The following CTNNA2 variants were observed in gnomAD, a reference collection of about 807,000 sequenced individuals.
CTNNA2 encodes the protein catenin alpha-2.
In CTNNA2, 42 loss-of-function variants were observed where a neutral mutation model predicts 101.0. That is an observed-to-expected ratio of 0.42 (90% CI 0.32 to 0.54). CTNNA2 has a LOEUF of 0.54. Ranked by LOEUF, CTNNA2 falls within the 20% of genes least tolerant of loss-of-function variation. The probability of loss-of-function intolerance (pLI) is 0.14; values close to 1 mark genes in which losing one functional copy is unlikely to be tolerated. For synonymous variants in CTNNA2, 450 were observed against 456.4 expected, an observed-to-expected ratio of 0.99 and a Z score of 0.18; for missense variants, 871 against 1,223.1, an observed-to-expected ratio of 0.71 and a Z score of 4.29.
intron 1 of CTNNA2, among the ~76,000 whole-genome samples, chr2:79,610,534 A>G (rs1255600589): frequency 6.6e-6 from 1 of 152,194 alleles, no homozygotes; most frequent in African/African-American, 2.4e-5. Flanking sequence ...AAAAGAATGA[A>G]TTACTGATAC....
At chr2:79,831,456 CT>C (rs759582225) in intron 3 of CTNNA2, among the ~76,000 whole-genome samples, 70 of 151,066 alleles carry the variant, frequency 4.6e-4, no homozygotes, top group Middle Eastern at 6.9e-3. Flanking sequence ...TTTTCAAATA[CT>C]TTTTTTTTAA....
chr2:80,482,667 G>C (rs1192416034), intron 9 of CTNNA2, among the ~76,000 whole-genome samples: 1 of 152,124 alleles, frequency 6.6e-6, no homozygotes, highest in South Asian at 2.1e-4. Context: ...AAGCTAGAAG[G>C]TGTATTATTT....
chr2:80,060,621 C>T (rs1443465475), intron 7 of CTNNA2, among the ~76,000 whole-genome samples: 1 of 152,126 alleles, frequency 6.6e-6, no homozygotes, highest in Non-Finnish European at 1.5e-5. Flanking sequence ...TGTTTTCTCT[C>T]TTTTTCTCTT....
chr2:80,313,505 A>G (rs1057397241), intron 7 of CTNNA2: 1 of 1,582,728 alleles, frequency 6.3e-7, no homozygotes, highest in Non-Finnish European at 8.6e-7. Flanking sequence ...GTGGTTGAAG[A>G]GATTTTTCTA....
chr2:80,561,691 T>C (rs1034123188), intron 12 of CTNNA2, among the ~76,000 whole-genome samples: 3 of 152,044 alleles, frequency 2.0e-5, no homozygotes, highest in Non-Finnish European at 4.4e-5. Context: ...AGATGAAGTT[T>C]TGTTCTTGTT....
chr2:80,269,402 G>C (rs1445978712), intron 7 of CTNNA2, among the ~76,000 whole-genome samples: 1 of 152,100 alleles, frequency 6.6e-6, no homozygotes, highest in Non-Finnish European at 1.5e-5. Context: ...GTTTCTTGAG[G>C]CCTCCCCAGC....
chr2:79,828,295 T>TA (rs1678598801), intron 3 of CTNNA2, among the ~76,000 whole-genome samples: 1 of 152,236 alleles, frequency 6.6e-6, no homozygotes, highest in South Asian at 2.1e-4. Context: ...CCAATAAACC[T>TA]AAAATGCATC....
intron 2 of CTNNA2, among the ~76,000 whole-genome samples, chr2:79,205,953 T>A (rs1241644081): frequency 6.6e-6 from 1 of 152,204 alleles, no homozygotes; most frequent in African/African-American, 2.4e-5. Flanking sequence ...TCTTGCTTTT[T>A]TCCCATTAGA....
intron 7 of CTNNA2, among the ~76,000 whole-genome samples, chr2:80,002,568 G>T (rs1693023511): frequency 6.6e-6 from 1 of 152,100 alleles, no homozygotes; most frequent in Admixed American, 6.6e-5. Flanking sequence ...AAAAAGGAGA[G>T]GGAGGGGGCA....
At chr2:79,727,005 GACT>G (rs1306180775) in intron 2 of CTNNA2, among the ~76,000 whole-genome samples, 1 of 152,208 alleles carries the variant, frequency 6.6e-6, no homozygotes, top group African/African-American at 2.4e-5. Context: ...AACCGGAAGT[GACT>G]ACATGTTGCT....
chr2:80,577,193 A>C (rs1406682809), intron 13 of CTNNA2, among the ~76,000 whole-genome samples: 1 of 152,284 alleles, frequency 6.6e-6, no homozygotes. Context: ...AAAAGTCTCT[A>C]CCCTCACAGG....
intron 1 of CTNNA2, among the ~76,000 whole-genome samples, chr2:79,612,458 T>G (rs1253020543): frequency 1.3e-5 from 2 of 152,152 alleles, no homozygotes; most frequent in Non-Finnish European, 2.9e-5. Flanking sequence ...AGCACCTGCT[T>G]TATAGAATCC....
rs3979579 is a variant in CTNNA2 at position 79,241,884 on chromosome 2, A to ATTTTCTTTTC, written c.-406+43833_-406+43842dup. Among the ~76,000 whole-genome samples, 922 of 149,238 alleles carry ATTTTCTTTTC rather than the reference A, an allele frequency of 6.2e-3. 9 individuals carry two copies. The highest frequency in any genetic ancestry group is 0.016 in the African/African-American group (641 of 40,584). ...AAACAGCATCGAATCACATTTGGGT[A>ATTTTCTTTTC]TTTTCTTTTCTTTTCTTTTCTTTTC... On this transcript the variant is annotated intron_variant, in intron 2 of 21. Coordinates refer to the CTNNA2 transcript ENST00000466387.
At chr2:80,396,970 G>A (rs1678076473) in intron 8 of CTNNA2, among the ~76,000 whole-genome samples, 1 of 152,010 alleles carries the variant, frequency 6.6e-6, no homozygotes, top group African/African-American at 2.4e-5. Context: ...TTTGCATTAG[G>A]GTGAGTACTT....
chr2:79,853,335 G>A (rs1320967572), intron 3 of CTNNA2, among the ~76,000 whole-genome samples: 2 of 152,026 alleles, frequency 1.3e-5, no homozygotes, highest in Non-Finnish European at 2.9e-5. Context: ...TAGAGATAGG[G>A]TCTCACTAGG....
chr2:79,985,205 T>C (rs534360545), intron 7 of CTNNA2, among the ~76,000 whole-genome samples: 4 of 152,226 alleles, frequency 2.6e-5, no homozygotes, highest in African/African-American at 9.6e-5. Flanking sequence ...TGACCCCCCG[T>C]AGATAACTCA....
chr2:80,542,926 C>A (rs550570183), intron 9 of CTNNA2, among the ~76,000 whole-genome samples: 1 of 151,960 alleles, frequency 6.6e-6, no homozygotes, highest in Non-Finnish European at 1.5e-5. Flanking sequence ...ATTCTGGACT[C>A]GTACCACAGA....
chr2:80,644,649 C>T (rs1673862661), intron 18 of CTNNA2, among the ~76,000 whole-genome samples: 2 of 151,216 alleles, frequency 1.3e-5, no homozygotes, highest in South Asian at 4.1e-4. Context: ...AAAATGTAAC[C>T]TTTGGAAATT....
chr2:80,287,778 G>A (rs1438752437), intron 7 of CTNNA2, among the ~76,000 whole-genome samples: 1 of 152,018 alleles, frequency 6.6e-6, no homozygotes, highest in Non-Finnish European at 1.5e-5. Context: ...ATTCCCTAGA[G>A]CCCTAACGGC....
Sources: allele counts gnomAD v4.1 joint callset (sites outside exome capture counted in the v4.1 genomes callset), GRCh38; gene constraint gnomAD v4.1.1; transcripts MANE v1.5; gene names NCBI Gene and HGNC (gene_info 2026-07-23, HGNC 2026-07-21).